Variants in HDAC9 observed in about 807,000 individuals in gnomAD.
The protein encoded by HDAC9 is histone deacetylase 9.
Under a neutral mutation model 139.4 loss-of-function variants are expected in HDAC9, and 41 were observed. That is an observed-to-expected ratio of 0.29 (90% CI 0.23 to 0.38). HDAC9 has a LOEUF of 0.38. Ranked by LOEUF, HDAC9 falls within the 10% of genes least tolerant of loss-of-function variation. The pLI, the probability that HDAC9 is intolerant of heterozygous loss-of-function variation, is 1.00. For missense variants in HDAC9, 1,147 were observed against 1,297.0 expected, an observed-to-expected ratio of 0.88 and a Z score of 1.78; for synonymous variants, 517 against 476.2, an observed-to-expected ratio of 1.09 and a Z score of -1.12.
chr7:18,685,686 T>G (rs1481130951), intron 12 of HDAC9, among the ~76,000 whole-genome samples: 1 of 152,030 alleles, frequency 6.6e-6, no homozygotes, highest in Admixed American at 6.6e-5. Flanking sequence ...ATTTTTGAAC[T>G]AGAATTGGCA....
chr7:18,951,979 A>G (rs1032083452), intron 23 of HDAC9, among the ~76,000 whole-genome samples: 2 of 151,910 alleles, frequency 1.3e-5, no homozygotes, highest in African/African-American at 4.8e-5. Context: ...AATATTATCC[A>G]TTGCATACCT....
intron 1 of HDAC9, among the ~76,000 whole-genome samples, chr7:18,120,804 C>G (rs531927247): frequency 3.3e-5 from 5 of 152,150 alleles, no homozygotes; most frequent in Non-Finnish European, 1.5e-5. Context: ...TTTTGCTTCT[C>G]TTTGTATCTT....
At chr7:18,598,519 C>A (rs569628408) in intron 6 of HDAC9, among the ~76,000 whole-genome samples, 2 of 152,272 alleles carry the variant, frequency 1.3e-5, no homozygotes, top group East Asian at 3.9e-4. Flanking sequence ...GGCCACGATT[C>A]CCTCATCTGT....
chr7:18,180,226 TACAC>T (rs67304424), intron 2 of HDAC9, among the ~76,000 whole-genome samples: 7,758 of 120,488 alleles, frequency 0.064, 203 homozygotes, highest in Admixed American at 0.096. Flanking sequence ...CCAAGACACA[TACAC>T]ACACACACAC....
chr7:18,153,269 G>A (rs1022740494), intron 1 of HDAC9, among the ~76,000 whole-genome samples: 4 of 152,202 alleles, frequency 2.6e-5, no homozygotes, highest in African/African-American at 9.7e-5. Flanking sequence ...CAACAGCAGA[G>A]ATTTGCTGAA....
At position 18,226,287 on chromosome 7, in the gene HDAC9, A is replaced by T. The variant is rs139526751; in HGVS notation, c.25+63938A>T. ...AATATTAAACCCCAGAATCAGAGAGATGTACCCATCCAGTTTTGGGAGTGG... is the reference window on the plus strand; with the variant it reads ...AATATTAAACCCCAGAATCAGAGAGTTGTACCCATCCAGTTTTGGGAGTGG... On this transcript the variant is annotated intron_variant, in intron 2 of 12. Transcript: ENST00000417496. Among the ~76,000 whole-genome samples the T allele has an allele frequency of 1.5e-4, 23 of 152,280 alleles. 1 individual carries two copies. The East Asian group carries it at 2.7e-3, about 18-fold the overall frequency.
At chr7:18,178,048 C>T (rs1306386550) in intron 2 of HDAC9, among the ~76,000 whole-genome samples, 3 of 150,082 alleles carry the variant, frequency 2.0e-5, no homozygotes, top group Non-Finnish European at 3.0e-5. Flanking sequence ...CATCCCCCTA[C>T]CTCCCCTTCC....
chr7:18,930,474 C>A (rs1804640667), intron 22 of HDAC9, among the ~76,000 whole-genome samples: 1 of 152,106 alleles, frequency 6.6e-6, no homozygotes, highest in Non-Finnish European at 1.5e-5. Flanking sequence ...CAAACACACA[C>A]ACACACACGT....
intron 2 of HDAC9, among the ~76,000 whole-genome samples, chr7:18,190,446 A>G (rs1228971969): frequency 6.6e-6 from 1 of 152,214 alleles, no homozygotes; most frequent in East Asian, 1.9e-4. Context: ...GCCTTCGCCA[A>G]AATTTATACA....
Position 18,560,978 on chromosome 7 carries a change from G to A in HDAC9, c.23-24303G>A, listed in dbSNP as rs116084329. Among the ~76,000 whole-genome samples the A allele has an allele frequency of 1.2e-3, 190 of 152,106 alleles. 1 individual carries two copies. Among genetic ancestry groups the A allele is most frequent in the African/African-American group, 4.5e-3 (186 of 41,486 alleles). On this transcript the variant is annotated intron_variant, in intron 2 of 25. Coordinates refer to ENST00000686413, the MANE Select transcript of HDAC9 (RefSeq NM_178425.4). ...AAATGACTATCTTATTAAGACACTGGCGCCTTTGAAGGATACCACCGATAT... is the reference window on the plus strand; with the variant it reads ...AAATGACTATCTTATTAAGACACTGACGCCTTTGAAGGATACCACCGATAT...
chr7:18,656,824 A>G (rs1043678194), intron 11 of HDAC9, among the ~76,000 whole-genome samples: 1 of 152,118 alleles, frequency 6.6e-6, no homozygotes, highest in African/African-American at 2.4e-5. Flanking sequence ...GCTGGATCAT[A>G]TGGTAGCTCT....
chr7:18,178,846 T>A (rs1789167647), intron 2 of HDAC9, among the ~76,000 whole-genome samples: 1 of 152,212 alleles, frequency 6.6e-6, no homozygotes. Flanking sequence ...GGCTTAAAAT[T>A]TGTGACTTTT....
chr7:18,402,603 G>A (rs1213516792), intron 1 of HDAC9, among the ~76,000 whole-genome samples: 1 of 152,216 alleles, frequency 6.6e-6, no homozygotes, highest in Non-Finnish European at 1.5e-5. Flanking sequence ...ATGTATCGGA[G>A]TGCCCTCAGA....
At chr7:18,823,647 G>A (rs1451171810) in intron 17 of HDAC9, among the ~76,000 whole-genome samples, 1 of 152,132 alleles carries the variant, frequency 6.6e-6, no homozygotes, top group African/African-American at 2.4e-5. Context: ...ATCACATGCG[G>A]TCTTAAGGTC....
chr7:18,979,010 T>G (rs945935434), intron 25 of HDAC9, among the ~76,000 whole-genome samples: 15 of 152,336 alleles, frequency 9.8e-5, no homozygotes, highest in Admixed American at 6.5e-5. Flanking sequence ...AGTTGTCATT[T>G]TGACCTGTAA....
At chr7:18,491,336 T>G (rs1204267274), upstream of HDAC9, among the ~76,000 whole-genome samples, 1 of 151,928 alleles carries the variant, frequency 6.6e-6, no homozygotes, top group Non-Finnish European at 1.5e-5. Context: ...AACACTCAGG[T>G]ATACTAGCAA....
At chr7:18,564,978 T>C (rs1018592021) in intron 2 of HDAC9, among the ~76,000 whole-genome samples, 3 of 149,360 alleles carry the variant, frequency 2.0e-5, no homozygotes, top group Admixed American at 6.7e-5. Context: ...TTTATTTATT[T>C]ATTTATTTAT....
chr7:18,663,062 C>A (rs1018491960), intron 11 of HDAC9, among the ~76,000 whole-genome samples: 1 of 151,856 alleles, frequency 6.6e-6, no homozygotes, highest in Admixed American at 6.6e-5. Context: ...GGGAAGTGAG[C>A]AAATGAAGGG....
intron 12 of HDAC9, among the ~76,000 whole-genome samples, chr7:18,701,180 GT>G (rs1347800258): frequency 3.3e-5 from 5 of 151,152 alleles, no homozygotes; most frequent in Non-Finnish European, 5.9e-5. Context: ...CCACTGTGAG[GT>G]TTTTTTCCTC....
Sources: gnomAD v4.1 joint callset for allele counts (sites outside exome capture counted in the v4.1 genomes callset) on GRCh38, gnomAD v4.1.1 for gene constraint, MANE v1.5 for transcripts, NCBI Gene and HGNC (gene_info 2026-07-23, HGNC 2026-07-21) for gene names.